Variants in LRRC1 observed in about 807,000 individuals in gnomAD.
The protein encoded by LRRC1 is leucine rich repeat containing 1.
In LRRC1, 28 loss-of-function variants were observed where a neutral mutation model predicts 69.9. The observed-to-expected ratio is 0.40, with a 90% CI of 0.30 to 0.55. The LOEUF is 0.55. LRRC1 is among the 20% of genes least tolerant of loss of function. The pLI is 0.47. For synonymous variants in LRRC1, 236 were observed against 240.2 expected (o/e 0.98, Z 0.16); for missense variants, 498 against 609.0 (o/e 0.82, Z 1.92).
At chr6:53,795,583 C>G (rs549293621) in intron 1 of LRRC1, among the ~76,000 whole-genome samples, 168 bp downstream of exon 1, 1 of 152,356 alleles carries the variant, frequency 6.6e-6, no homozygotes, top group Admixed American at 6.5e-5. Flanking sequence ...TCCATCCTTT[C>G]CCAGTAAAAG....
intron 3 of LRRC1, among the ~76,000 whole-genome samples, chr6:53,880,449 C>G (rs1313498857): frequency 6.6e-6 from 1 of 152,144 alleles, no homozygotes; most frequent in Non-Finnish European, 1.5e-5. Flanking sequence ...TGAGCCTCTT[C>G]TTGCCCCTCC....
At chr6:53,902,483 G>C in intron 8 of LRRC1, 146 bp from the exon 9 acceptor site, 1 of 462,340 alleles carries the variant, frequency 2.2e-6, no homozygotes, top group Non-Finnish European at 3.8e-6. Flanking sequence ...CTAAATGATA[G>C]AGTTTCATAA....
At chr6:53,891,240 G>A (rs1767669415) in intron 4 of LRRC1, among the ~76,000 whole-genome samples, 1 of 152,082 alleles carries the variant, frequency 6.6e-6, no homozygotes, top group South Asian at 2.1e-4. Context: ...GAATTGACAG[G>A]GAGGATAGAA....
At chr6:53,911,303 C>G (rs759962172) in intron 10 of LRRC1, among the ~76,000 whole-genome samples, 1 of 152,220 alleles carries the variant, frequency 6.6e-6, no homozygotes, top group Non-Finnish European at 1.5e-5. Flanking sequence ...AGAGCCTTCT[C>G]TGACCCACTT....
At position 53,892,011 on chromosome 6, in the gene LRRC1, T is replaced by TAC. The variant is rs70980877; in HGVS notation, c.447-4451_447-4450dup. 6.6e-3 allele frequency among the ~76,000 whole-genome samples: 897 copies of TAC among 135,354 alleles called. 9 individuals are homozygous for TAC. The highest frequency in any genetic ancestry group is 0.013 in the African/African-American group (448 of 35,028). 88.8% of individuals were successfully genotyped at this position (135,354 alleles called of 152,430 possible). On this transcript the variant is annotated intron_variant, in intron 4 of 13. Coordinates refer to ENST00000370888, the MANE Select transcript of LRRC1 (RefSeq NM_018214.5). ...TGTCTAAAAAAAAAATATATATATA[T>TAC]ACACACACACACACACACACACACA...
At chr6:53,890,530 A>T (rs1459250693) in intron 4 of LRRC1, among the ~76,000 whole-genome samples, 2 of 152,156 alleles carry the variant, frequency 1.3e-5, no homozygotes, top group African/African-American at 4.8e-5. Flanking sequence ...TAGGCAGCTT[A>T]CCTATATTAT....
At position 53,921,290 on chromosome 6, in the gene LRRC1, T is replaced by C. The variant is rs371604908; in HGVS notation, c.1416+529T>C. On this transcript the variant is annotated intron_variant, in intron 13 of 13. Transcript: ENST00000370888. ...GCCTGTTATTGTTGTGTTGTCCTGCTTTTATGGTGCTTCTTTTTCTTTATT... is the reference window on the plus strand; with the variant it reads ...GCCTGTTATTGTTGTGTTGTCCTGCCTTTATGGTGCTTCTTTTTCTTTATT... 5.9e-3 allele frequency among the ~76,000 whole-genome samples: 898 copies of C among 152,316 alleles called. 7 individuals carry two copies. The highest frequency in any genetic ancestry group is 0.02 in the African/African-American group (852 of 41,570).
At position 53,874,782 on chromosome 6, in the gene LRRC1, G is replaced by C. The variant is rs1411288417; in HGVS notation, c.278-4211G>C. ...TTTTAGCCATTCTCAATGTTAATAT[G>C]TCCAAAATAAATGAATTTTTGAAGT... On this transcript the variant is annotated intron_variant, in intron 2 of 13. Transcript: ENST00000370888. 2.0e-5 allele frequency among the ~76,000 whole-genome samples: 3 copies of C among 152,136 alleles called. No individual in the cohort carries two copies. The South Asian group carries it at 6.2e-4, about 31-fold the overall frequency.
At chr6:53,820,599 A>G (rs1445557806) in intron 1 of LRRC1, among the ~76,000 whole-genome samples, 2 of 151,366 alleles carry the variant, frequency 1.3e-5, no homozygotes, top group African/African-American at 2.4e-5. Flanking sequence ...CCCCGCCCCC[A>G]TTTTATTCTT....
rs769321498 is a variant in LRRC1, at chr6:53,922,803, T to TC, written c.*12dup. ...GACCACTTCTGTGTAGAGTTTCACCTCCAAGTTTTACCTCCTGTGTCTTCC... is the reference window on the plus strand; with the variant it reads ...GACCACTTCTGTGTAGAGTTTCACCTCCCAAGTTTTACCTCCTGTGTCTTCC... On this transcript the variant is annotated 3_prime_UTR_variant, in exon 14 of 14. Transcript: ENST00000370888. 6 of 1,610,544 alleles carry TC rather than the reference T, an allele frequency of 3.7e-6. No individual in the cohort carries two copies. The highest frequency in any genetic ancestry group is 5.1e-6 in the Non-Finnish European group (6 of 1,177,846).
At chr6:53,841,161 C>A (rs191176908) in intron 1 of LRRC1, among the ~76,000 whole-genome samples, 1 of 152,156 alleles carries the variant, frequency 6.6e-6, no homozygotes, top group Non-Finnish European at 1.5e-5. Context: ...TATGTTACCC[C>A]CTGCCCTCAG....
At chr6:53,810,565 A>G (rs890067757) in intron 1 of LRRC1, among the ~76,000 whole-genome samples, 7 of 151,902 alleles carry the variant, frequency 4.6e-5, no homozygotes, top group Non-Finnish European at 7.4e-5. Flanking sequence ...GCTTGCAGTG[A>G]GCCGAGATCC....
intron 1 of LRRC1, among the ~76,000 whole-genome samples, chr6:53,818,239 T>TA (rs1212801440): frequency 6.6e-6 from 1 of 152,236 alleles, no homozygotes; most frequent in Non-Finnish European, 1.5e-5. Context: ...ATGTGAATGA[T>TA]ACGGCTTTTT....
chr6:53,823,457 C>T (rs1401971154), intron 1 of LRRC1, among the ~76,000 whole-genome samples: 2 of 152,106 alleles, frequency 1.3e-5, no homozygotes, highest in Admixed American at 6.5e-5. Flanking sequence ...CTTTATTTTT[C>T]TTCTAATTAA....
In LRRC1 at chr6:53,807,471, C is replaced by T. The variant is rs113351190; in HGVS notation, c.159+12056C>T. Reference sequence around the variant, plus strand: ...AAGAAAACAAAACAGAGAAGCCAGGCGCAGTGGCTTACGCCTGTAATCCCA... The same window carrying T: ...AAGAAAACAAAACAGAGAAGCCAGGTGCAGTGGCTTACGCCTGTAATCCCA... On this transcript the variant is annotated intron_variant, in intron 1 of 13. Transcript: ENST00000370888. 8.3e-3 allele frequency among the ~76,000 whole-genome samples: 1,267 copies of T among 152,294 alleles called. 12 individuals carry two copies. Among genetic ancestry groups the T allele is most frequent in the African/African-American group, 0.028 (1,149 of 41,550 alleles).
intron 1 of LRRC1, among the ~76,000 whole-genome samples, chr6:53,829,875 G>A (rs1765379778): frequency 6.6e-6 from 1 of 152,074 alleles, no homozygotes; most frequent in Non-Finnish European, 1.5e-5. Context: ...ATTATGATTG[G>A]GAGTTTCCTG....
chr6:53,899,457 A>C (rs1767974908), intron 7 of LRRC1, among the ~76,000 whole-genome samples: 2 of 152,186 alleles, frequency 1.3e-5, no homozygotes, highest in African/African-American at 4.8e-5. Context: ...GTGACCCTGC[A>C]GTCGTTTTTT....
intron 1 of LRRC1, among the ~76,000 whole-genome samples, chr6:53,820,333 G>A (rs757349648): frequency 6.6e-6 from 1 of 150,786 alleles, no homozygotes; most frequent in African/African-American, 2.5e-5. Flanking sequence ...TTTCCTAGAT[G>A]TGAAGTGGAA....
intron 1 of LRRC1, among the ~76,000 whole-genome samples, chr6:53,807,310 T>C (rs771953404): frequency 2.0e-5 from 3 of 152,208 alleles, no homozygotes; most frequent in Admixed American, 6.5e-5. Context: ...ATGCTTATTG[T>C]TGAGTGCTGG....
Sources: allele counts gnomAD v4.1 joint callset (sites outside exome capture counted in the v4.1 genomes callset), GRCh38; gene constraint gnomAD v4.1.1; transcripts MANE v1.5; gene names NCBI Gene and HGNC (gene_info 2026-07-23, HGNC 2026-07-21).